Variants in ABCA12 observed in about 807,000 individuals in gnomAD.
The protein encoded by ABCA12 is glucosylceramide transporter ABCA12.
In ABCA12, 156 loss-of-function variants were observed where a neutral mutation model predicts 293.5. That is an observed-to-expected ratio of 0.53 (90% confidence interval 0.47 to 0.61). The LOEUF is 0.61. ABCA12 is among the 20% of genes least tolerant of loss of function. The pLI is 0.00. For missense variants in ABCA12, 2,797 were observed against 3,090.2 expected (o/e 0.91, Z 2.25); for synonymous variants, 1,063 against 1,108.0 (o/e 0.96, Z 0.81).
chr2:214,934,221 G>A lies in ABCA12; in HGVS notation c.7543-6C>T. On this transcript the variant is annotated splice_polypyrimidine_tract_variant and splice_region_variant and intron_variant, in intron 51 of 52. Transcript: ENST00000272895. ...AGCATGCTGAGGTGCTGATCCTGTGGGAACCAAAGGAAAAAAGTTTATTTT... is the reference window on the plus strand; with the variant it reads ...AGCATGCTGAGGTGCTGATCCTGTGAGAACCAAAGGAAAAAAGTTTATTTT... 8 of 1,613,522 alleles carry A rather than the reference G, an allele frequency of 5.0e-6. No individual in the cohort carries two copies. The highest frequency in any genetic ancestry group is 6.8e-6 in the Non-Finnish European group (8 of 1,179,650).
intron 5 of ABCA12, among the ~76,000 whole-genome samples, chr2:215,050,369 G>GA (rs1431559669): frequency 6.6e-6 from 1 of 152,116 alleles, no homozygotes; most frequent in Non-Finnish European, 1.5e-5. Context: ...AAACGTATGT[G>GA]AAAATGTATA....
chr2:214,938,466 T>C (rs1285418823), intron 50 of ABCA12, among the ~76,000 whole-genome samples: 4 of 152,176 alleles, frequency 2.6e-5, no homozygotes, highest in Non-Finnish European at 5.9e-5. Flanking sequence ...TTATAATCCT[T>C]TGGGGACATA....
At chr2:215,077,098 G>T (rs905392291) in intron 2 of ABCA12, among the ~76,000 whole-genome samples, 1 of 152,120 alleles carries the variant, frequency 6.6e-6, no homozygotes, top group African/African-American at 2.4e-5. Flanking sequence ...GGCCTCCAAG[G>T]TACCTTTAAT....
intron 42 of ABCA12, 50 bp downstream of exon 42, chr2:214,956,613 G>A: frequency 1.5e-6 from 2 of 1,327,870 alleles, no homozygotes; most frequent in Non-Finnish European, 2.2e-6. Context: ...TTGTGTCTAG[G>A]GGCATTTAAT....
At chr2:214,935,569 G>A (rs562726549) in intron 51 of ABCA12, among the ~76,000 whole-genome samples, 93 of 152,318 alleles carry the variant, frequency 6.1e-4, no homozygotes, top group African/African-American at 2.2e-3. Flanking sequence ...GACCAAGGCA[G>A]AAAGATTGCT....
chr2:215,033,804 G>A (rs921281563), intron 8 of ABCA12, among the ~76,000 whole-genome samples: 1 of 152,044 alleles, frequency 6.6e-6, no homozygotes, highest in Non-Finnish European at 1.5e-5. Context: ...AGCCGGGCGT[G>A]GTAGCAGGTG....
chr2:215,103,561 G>C (rs946057789), intron 2 of ABCA12, among the ~76,000 whole-genome samples: 4 of 151,914 alleles, frequency 2.6e-5, no homozygotes, highest in Admixed American at 2.0e-4. Flanking sequence ...ATGAGCCATG[G>C]CACCTGGCCC....
chr2:214,943,201 G>A (rs947690866), intron 49 of ABCA12, among the ~76,000 whole-genome samples, 184 bp from the exon 50 acceptor site: 1 of 152,038 alleles, frequency 6.6e-6, no homozygotes, highest in East Asian at 1.9e-4. Context: ...GCAGTGGCTT[G>A]AACATGGCTT....
intron 2 of ABCA12, among the ~76,000 whole-genome samples, chr2:215,083,028 T>C (rs1701972913): frequency 6.6e-6 from 1 of 152,202 alleles, no homozygotes. Flanking sequence ...CCACACTCTT[T>C]CCACGAAGTC....
intron 1 of ABCA12, among the ~76,000 whole-genome samples, chr2:215,126,606 C>T (rs1326643275): frequency 6.6e-6 from 1 of 152,070 alleles, no homozygotes; most frequent in African/African-American, 2.4e-5. Context: ...TCATAGTAGC[C>T]TTGAATGATC....
At chr2:215,110,072 C>T (rs1424552735) in intron 2 of ABCA12, among the ~76,000 whole-genome samples, 2 of 152,170 alleles carry the variant, frequency 1.3e-5, no homozygotes, top group East Asian at 1.9e-4. Context: ...AACATATAAA[C>T]TCCAACAGTA....
intron 2 of ABCA12, among the ~76,000 whole-genome samples, chr2:215,074,866 C>A (rs1032145524): frequency 6.6e-6 from 1 of 151,744 alleles, no homozygotes; most frequent in African/African-American, 2.4e-5. Context: ...CACTTGAACC[C>A]GGGAGGTGGG....
chr2:214,987,887 AAGT>A, intron 26 of ABCA12, 94 bp from the exon 27 acceptor site: 1 of 1,488,068 alleles, frequency 6.7e-7, no homozygotes, highest in South Asian at 1.2e-5. Context: ...ATGGTTTAGG[AAGT>A]AGTTTTATTT....
chr2:215,062,459 C>G (rs953216360), intron 3 of ABCA12, among the ~76,000 whole-genome samples: 14 of 151,946 alleles, frequency 9.2e-5, no homozygotes, highest in African/African-American at 3.1e-4. Flanking sequence ...ATGTCATTTC[C>G]CCACTCAAAA....
In ABCA12 at chr2:214,934,206, G is replaced by A; in HGVS notation, c.7552C>T (p.Leu2518Phe). ...FPKTYLKDQHLSMLEYHVPVT... is the reference protein window; with the variant it reads ...FPKTYLKDQHFSMLEYHVPVT... Reference sequence around the variant, plus strand: ...GGTACATGATACTCTAGCATGCTGAGGTGCTGATCCTGTGGGAACCAAAGG... The same window carrying A: ...GGTACATGATACTCTAGCATGCTGAAGTGCTGATCCTGTGGGAACCAAAGG... Residue 2518 changes from leucine (L) to phenylalanine (F), a missense_variant, in exon 52 of 53, where the codon CTC becomes TTC. Leu to Phe is a conservative substitution (Grantham distance 22, BLOSUM62 0). Transcript: ENST00000272895. The A allele has an allele frequency of 6.2e-7, 1 of 1,613,682 alleles. No homozygotes were observed. The highest frequency in any genetic ancestry group is 8.5e-7 in the Non-Finnish European group (1 of 1,179,726).
chr2:214,953,851 T>C lies in ABCA12; in HGVS notation c.6647+3A>G. ...TCAAACGTTATGTTTTCATTATATT[T>C]ACCTGAGTTTCTTTATCAGGGATTC... is the stretch of plus-strand genomic sequence containing the variant. On this transcript the variant is annotated splice_donor_region_variant and intron_variant, in intron 44 of 52. Transcript: ENST00000272895. 6.2e-7 allele frequency: 1 copy of C among 1,613,558 alleles called. No individual in the cohort carries two copies. Among genetic ancestry groups the C allele is most frequent in the Non-Finnish European group, 8.5e-7 (1 of 1,179,696 alleles).
At chr2:215,045,420 GT>G (rs1701182421) in intron 7 of ABCA12, among the ~76,000 whole-genome samples, 1 of 152,116 alleles carries the variant, frequency 6.6e-6, no homozygotes, top group Non-Finnish European at 1.5e-5. Flanking sequence ...TACCAATATG[GT>G]TGTTTTATGT....
rs1238762651 is a variant in ABCA12, at chr2:214,975,936, A to G, written c.5230T>C (p.Trp1744Arg). Reference sequence around the variant, plus strand: ...ATAACCTGAGCAATGAGACCTTTCCAGTTCCTGCGGGTGTGGTGGAACCTC... The same window carrying G: ...ATAACCTGAGCAATGAGACCTTTCCGGTTCCTGCGGGTGTGGTGGAACCTC... The part of the protein sequence containing the change: ...IKRFHHTRRN[W>R]KGLIAQVILP... The change falls in exon 34 of 53, where the codon TGG (tryptophan) becomes CGG (arginine). Residue 1744 changes from tryptophan to arginine, a missense_variant. Physicochemically the swap from Trp to Arg is moderately radical, Grantham distance 101. Coordinates refer to ENST00000272895, the MANE Select transcript of ABCA12 (RefSeq NM_173076.3). The G allele has an allele frequency of 1.2e-6, 2 of 1,614,142 alleles. No homozygotes were observed. Among genetic ancestry groups the G allele is most frequent in the South Asian group, 1.1e-5 (1 of 91,082 alleles).
intron 48 of ABCA12, 80 bp from the exon 49 acceptor site, chr2:214,945,184 C>G: frequency 8.9e-7 from 1 of 1,124,706 alleles, no homozygotes. Flanking sequence ...CTGCATTTCA[C>G]TTCCCTAGAA....
Sources: allele counts gnomAD v4.1 joint callset (sites outside exome capture counted in the v4.1 genomes callset), GRCh38; gene constraint gnomAD v4.1.1; transcripts MANE v1.5; gene names NCBI Gene and HGNC (gene_info 2026-07-23, HGNC 2026-07-21).